RPAP2: variants seen among roughly 807,000 people sequenced by gnomAD.
RPAP2 encodes the protein RNA polymerase II associated protein 2.
Under a neutral mutation model 73.1 loss-of-function variants are expected in RPAP2, and 52 were observed. The ratio of observed to expected loss-of-function variants is 0.71; its 90% confidence interval spans 0.57 to 0.90. RPAP2 has a LOEUF of 0.90. Among genes scored for constraint, RPAP2 ranks in the 40% least tolerant of loss-of-function variants. The pLI is 0.00. For missense variants in RPAP2, 598 were observed against 701.8 expected (o/e 0.85, Z 1.67); for synonymous variants, 225 against 242.1 (o/e 0.93, Z 0.65).
At position 92,387,144 on chromosome 1, in the gene RPAP2, T is replaced by C; in HGVS notation, c.*133T>C. The C allele has an allele frequency of 1.2e-6, 1 of 831,906 alleles. No homozygotes were observed. The highest frequency in any genetic ancestry group is 1.8e-6 in the Non-Finnish European group (1 of 559,278). 51.5% of individuals were successfully genotyped at this position (831,906 alleles called of 1,614,324 possible). A position where few individuals can be genotyped will look rare whatever the true frequency, so the allele number is the denominator to read the frequency against. On this transcript the variant is annotated 3_prime_UTR_variant, in exon 13 of 13. Transcript: ENST00000610020. The stretch of plus-strand genomic sequence containing the variant: ...ATACCTTTACCTCTTTAAGTTTCAA[T>C]CTCCCATCTCCCAGTCCTTCAGTCC...
At chr1:92,342,249 G>A (rs759958127) in intron 10 of RPAP2, among the ~76,000 whole-genome samples, 4 of 152,222 alleles carry the variant, frequency 2.6e-5, no homozygotes, top group Admixed American at 6.5e-5. Flanking sequence ...AAGGAGGTAA[G>A]GGAGCAAGCT....
chr1:92,372,898 C>T (rs910333927), intron 11 of RPAP2, among the ~76,000 whole-genome samples: 2 of 152,142 alleles, frequency 1.3e-5, no homozygotes, highest in African/African-American at 4.8e-5. Flanking sequence ...CAGAGTGACA[C>T]AGCAAGGCCT....
intron 10 of RPAP2, among the ~76,000 whole-genome samples, chr1:92,340,792 C>G (rs1653551946): frequency 6.6e-6 from 1 of 152,102 alleles, no homozygotes; most frequent in Admixed American, 6.5e-5. Context: ...AATCTGCTAT[C>G]TAGAATGTTA....
chr1:92,340,491 ACAAT>A (rs1653533519), intron 10 of RPAP2, among the ~76,000 whole-genome samples: 1 of 152,210 alleles, frequency 6.6e-6, no homozygotes, highest in Admixed American at 6.5e-5. Flanking sequence ...CTCTGAAGTG[ACAAT>A]CAATAATAGG....
intron 12 of RPAP2, among the ~76,000 whole-genome samples, chr1:92,383,795 C>T (rs1655750989): frequency 6.6e-6 from 1 of 151,918 alleles, no homozygotes; most frequent in Admixed American, 6.5e-5. Flanking sequence ...GAACTTCCAA[C>T]GCTATGTTGA....
chr1:92,325,663 G>A (rs1652581036), intron 8 of RPAP2, among the ~76,000 whole-genome samples: 1 of 152,060 alleles, frequency 6.6e-6, no homozygotes, highest in Admixed American at 6.6e-5. Context: ...TGAATGTCCT[G>A]ATGTAATCAC....
At chr1:92,351,550 T>C (rs17131626) in intron 11 of RPAP2, among the ~76,000 whole-genome samples, 3,409 of 152,242 alleles carry the variant, frequency 0.022, 157 homozygotes, top group African/African-American at 0.077. Context: ...ATCGCTCAGC[T>C]TCTGTCCCAT....
chr1:92,389,961 A>C lies in RPAP2; in HGVS notation c.*2950A>C, dbSNP rs1167080842. The C allele has an allele frequency of 6.6e-6, 1 of 152,220 alleles. No individual in the cohort carries two copies. 9.4% of individuals were successfully genotyped at this position (152,220 alleles called of 1,614,324 possible). Reference sequence around the variant, plus strand: ...GATGGGGAGAACAGAACCAAGTTTGAAAACACTCTTCAGGATATTATCCAG... The same window carrying C: ...GATGGGGAGAACAGAACCAAGTTTGCAAACACTCTTCAGGATATTATCCAG... On this transcript the variant is annotated 3_prime_UTR_variant, in exon 13 of 13. Transcript: ENST00000610020.
intron 6 of RPAP2, among the ~76,000 whole-genome samples, chr1:92,316,278 A>T (rs1211746104): frequency 6.6e-6 from 1 of 151,996 alleles, no homozygotes; most frequent in Non-Finnish European, 1.5e-5. Context: ...GAAGCCAAAA[A>T]CCTCTGCAGA....
chr1:92,364,712 C>T (rs1333389049), intron 11 of RPAP2, among the ~76,000 whole-genome samples: 2 of 152,120 alleles, frequency 1.3e-5, no homozygotes, highest in Non-Finnish European at 2.9e-5. Context: ...TTCTCCATTG[C>T]CACTGCTACT....
intron 12 of RPAP2, among the ~76,000 whole-genome samples, chr1:92,381,586 T>G (rs940725091): frequency 6.7e-5 from 4 of 59,532 alleles, no homozygotes; most frequent in Non-Finnish European, 9.1e-5. Context: ...CAGGGAGATT[T>G]TCTTTTTTTT....
intron 11 of RPAP2, among the ~76,000 whole-genome samples, chr1:92,377,884 A>G (rs983327211): frequency 3.9e-5 from 6 of 152,172 alleles, no homozygotes; most frequent in Non-Finnish European, 8.8e-5. Context: ...TTTTCTAGAG[A>G]AGTATTATTA....
Position 92,323,435 on chromosome 1 carries a change from C to T in RPAP2, c.525-10C>T. The stretch of plus-strand genomic sequence containing the variant: ...TTATTTAGTTATTTTATTTCTCTTT[C>T]ATTCTACAGTGGCCATTCTGGAGAA... On this transcript the variant is annotated splice_polypyrimidine_tract_variant and intron_variant, in intron 7 of 12. Coordinates refer to ENST00000610020, the MANE Select transcript of RPAP2 (RefSeq NM_024813.3). 6 of 1,518,574 alleles carry T rather than the reference C, an allele frequency of 4.0e-6. No individual in the cohort carries two copies. The highest frequency in any genetic ancestry group is 4.4e-6 in the Non-Finnish European group (5 of 1,128,734). The allele number at this position is 1,518,574 out of a possible 1,614,324, so 94.1% of individuals were successfully genotyped here.
At chr1:92,345,266 T>A (rs1289331946) in intron 10 of RPAP2, among the ~76,000 whole-genome samples, 1 of 151,304 alleles carries the variant, frequency 6.6e-6, no homozygotes, top group Non-Finnish European at 1.5e-5. Flanking sequence ...CTCAAGAGGC[T>A]GAGTCAGGAG....
intron 12 of RPAP2, among the ~76,000 whole-genome samples, chr1:92,381,437 T>C (rs1359701595): frequency 3.3e-5 from 5 of 152,182 alleles, no homozygotes; most frequent in African/African-American, 1.2e-4. Context: ...AATATTCCCT[T>C]CCTTGTCCTG....
intron 8 of RPAP2, among the ~76,000 whole-genome samples, chr1:92,333,040 A>G (rs1182749337): frequency 6.6e-6 from 1 of 152,100 alleles, no homozygotes; most frequent in Non-Finnish European, 1.5e-5. Flanking sequence ...TCCTCATAAT[A>G]TATTTATAGT....
At chr1:92,372,574 T>G (rs1655198647) in intron 11 of RPAP2, among the ~76,000 whole-genome samples, 1 of 152,098 alleles carries the variant, frequency 6.6e-6, no homozygotes, top group Non-Finnish European at 1.5e-5. Context: ...ATGTGTGGCC[T>G]GGGGGAGGGG....
chr1:92,299,953 TAC>T (rs2101090324), intron 1 of RPAP2, among the ~76,000 whole-genome samples: 1 of 152,286 alleles, frequency 6.6e-6, no homozygotes, highest in Admixed American at 6.5e-5. Context: ...CGAGTGCACT[TAC>T]ACAAACCTAG....
intron 10 of RPAP2, among the ~76,000 whole-genome samples, chr1:92,339,845 T>A (rs1302465318): frequency 6.6e-6 from 1 of 152,174 alleles, no homozygotes; most frequent in East Asian, 1.9e-4. Context: ...CATTCCTATT[T>A]TCTGGCTCTA....
Sources: allele counts gnomAD v4.1 joint callset (sites outside exome capture counted in the v4.1 genomes callset), GRCh38; gene constraint gnomAD v4.1.1; transcripts MANE v1.5; gene names NCBI Gene and HGNC (gene_info 2026-07-23, HGNC 2026-07-21).